Variants in PDE7B observed in about 807,000 individuals in gnomAD.
The protein encoded by PDE7B is phosphodiesterase 7B.
A neutral mutation model predicts 56.2 loss-of-function variants in PDE7B; 29 were observed. That is an observed-to-expected ratio of 0.52 (90% CI 0.38 to 0.70). The LOEUF (loss-of-function observed/expected upper bound fraction) is 0.70, where lower values mean the gene tolerates loss of function less well. Among genes scored for constraint, PDE7B ranks in the 30% least tolerant of loss-of-function variants. The pLI is 0.00. For missense variants in PDE7B, 490 were observed against 565.0 expected, an observed-to-expected ratio of 0.87 and a Z score of 1.35; for synonymous variants, 197 against 196.9, an observed-to-expected ratio of 1.00 and a Z score of 0.00.
chr6:136,130,744 G>A (rs976847361), intron 3 of PDE7B, among the ~76,000 whole-genome samples: 1 of 152,064 alleles, frequency 6.6e-6, no homozygotes. Context: ...CCGAGACTGG[G>A]TAATTTATAA....
At chr6:136,024,159 G>A (rs539325631) in intron 2 of PDE7B, among the ~76,000 whole-genome samples, 22 of 152,226 alleles carry the variant, frequency 1.4e-4, no homozygotes, top group Non-Finnish European at 2.8e-4. Context: ...ACTGTTGATG[G>A]CTATATATTT....
chr6:135,902,729 G>A (rs145029544), intron 1 of PDE7B, among the ~76,000 whole-genome samples: 63 of 152,306 alleles, frequency 4.1e-4, no homozygotes, highest in African/African-American at 1.5e-3. Flanking sequence ...GGACTTACCT[G>A]ACAAGCAGAT....
chr6:136,046,939 A>G (rs1281877830), intron 2 of PDE7B, among the ~76,000 whole-genome samples: 3 of 152,208 alleles, frequency 2.0e-5, no homozygotes, highest in African/African-American at 4.8e-5. Context: ...TCTTGCTATA[A>G]TATTCCAAAT....
intron 1 of PDE7B, among the ~76,000 whole-genome samples, chr6:135,869,731 A>G (rs150490273): frequency 1.3e-3 from 204 of 152,340 alleles, no homozygotes; most frequent in African/African-American, 1.6e-3. Context: ...AGAGAGCCCA[A>G]TGGAGTCTTT....
intron 8 of PDE7B, among the ~76,000 whole-genome samples, chr6:136,170,925 T>C (rs1453472423): frequency 1.3e-5 from 2 of 152,184 alleles, no homozygotes; most frequent in African/African-American, 4.8e-5. Context: ...TACTGTCACA[T>C]TGTGGATTAA....
intron 8 of PDE7B, among the ~76,000 whole-genome samples, chr6:136,167,626 G>T (rs868239907): frequency 6.6e-6 from 1 of 152,150 alleles, no homozygotes; most frequent in East Asian, 1.9e-4. Flanking sequence ...TTTATCAGTA[G>T]CATGAAAACG....
chr6:136,098,129 T>A, intron 2 of PDE7B: 1 of 74,718 alleles, frequency 1.3e-5, no homozygotes, highest in South Asian at 8.5e-4. Flanking sequence ...CTCTCTTTAG[T>A]TCCTGGGGGG....
intron 2 of PDE7B, among the ~76,000 whole-genome samples, chr6:136,012,050 T>C (rs1404029590): frequency 6.6e-6 from 1 of 152,114 alleles, no homozygotes; most frequent in East Asian, 1.9e-4. Flanking sequence ...ACAAAAAGGC[T>C]CCTGAACAAC....
intron 2 of PDE7B, among the ~76,000 whole-genome samples, chr6:136,051,461 C>T (rs114224649): frequency 0.011 from 1,748 of 152,282 alleles, 40 homozygotes; most frequent in African/African-American, 0.041. Context: ...TTAGCCCCTG[C>T]GAGGAGGCTC....
intron 8 of PDE7B, among the ~76,000 whole-genome samples, chr6:136,171,941 C>G (rs1218258001): frequency 1.3e-5 from 2 of 151,716 alleles, no homozygotes; most frequent in Admixed American, 1.3e-4. Flanking sequence ...TCCAATTTCA[C>G]CCATGTCCCT....
chr6:135,995,144 C>T lies in PDE7B; in HGVS notation c.82+47620C>T, dbSNP rs189017052. Among the ~76,000 whole-genome samples the T allele has an allele frequency of 5.9e-5, 9 of 152,290 alleles. 1 individual carries two copies. In the East Asian group the frequency reaches 1.7e-3, roughly 29 times the overall value. On this transcript the variant is annotated intron_variant, in intron 2 of 12. Coordinates refer to ENST00000308191, the MANE Select transcript of PDE7B (RefSeq NM_018945.4). ...CCTTTGGCCCGGGCCTTTGGTCACA[C>T]AAATCCTACAGGCCTCCAGGCCCTC...
rs111579625 is a variant in PDE7B, at chr6:136,030,622, T to C, written c.83-78109T>C. ...GAATCATCTGGTCACCATTCACTCATGCCTGGAATATCACAGTGGGAAAGA... is the reference window on the plus strand; with the variant it reads ...GAATCATCTGGTCACCATTCACTCACGCCTGGAATATCACAGTGGGAAAGA... On this transcript the variant is annotated intron_variant, in intron 2 of 12. Coordinates refer to ENST00000308191, the MANE Select transcript of PDE7B (RefSeq NM_018945.4). Among the ~76,000 whole-genome samples the C allele has an allele frequency of 1.0e-3, 153 of 152,356 alleles. 1 individual carries two copies. The highest frequency in any genetic ancestry group is 3.6e-3 in the African/African-American group (149 of 41,584).
At chr6:135,944,914 G>A (rs1241644022) in intron 1 of PDE7B, among the ~76,000 whole-genome samples, 2 of 152,112 alleles carry the variant, frequency 1.3e-5, no homozygotes, top group African/African-American at 2.4e-5. Flanking sequence ...TTTTTCCATA[G>A]CAAATGGCAG....
chr6:135,907,474 GTTT>G (rs1322715204), intron 1 of PDE7B, among the ~76,000 whole-genome samples: 1 of 151,872 alleles, frequency 6.6e-6, no homozygotes, highest in Admixed American at 6.6e-5. Context: ...TCAATTATTT[GTTT>G]ATATTTTGTC....
At chr6:136,173,104 A>G (rs1242090736) in intron 8 of PDE7B, among the ~76,000 whole-genome samples, 6 of 152,194 alleles carry the variant, frequency 3.9e-5, no homozygotes, top group African/African-American at 1.4e-4. Flanking sequence ...ATTCAATGCC[A>G]TCCCCATCAA....
intron 8 of PDE7B, among the ~76,000 whole-genome samples, chr6:136,167,603 T>C (rs1029331385): frequency 6.6e-6 from 1 of 152,146 alleles, no homozygotes; most frequent in Non-Finnish European, 1.5e-5. Context: ...AATTGCCCAG[T>C]CTTGGGTATG....
At chr6:136,185,504 C>T (rs1779129893) in intron 11 of PDE7B, among the ~76,000 whole-genome samples, 1 of 151,928 alleles carries the variant, frequency 6.6e-6, no homozygotes, top group Non-Finnish European at 1.5e-5. Context: ...CCTGTAATCC[C>T]AATGCTTTGG....
intron 2 of PDE7B, among the ~76,000 whole-genome samples, chr6:136,065,849 A>G (rs2128213229): frequency 6.6e-6 from 1 of 152,330 alleles, no homozygotes; most frequent in African/African-American, 2.4e-5. Context: ...AACAGTTAAT[A>G]TTTCAGATTT....
At chr6:136,172,417 T>C (rs933422381) in intron 8 of PDE7B, among the ~76,000 whole-genome samples, 3 of 152,242 alleles carry the variant, frequency 2.0e-5, no homozygotes, top group African/African-American at 7.2e-5. Context: ...CATGTGTTTT[T>C]TGGCTGCATA....
Sources: gnomAD v4.1 joint callset for allele counts (sites outside exome capture counted in the v4.1 genomes callset) on GRCh38, gnomAD v4.1.1 for gene constraint, MANE v1.5 for transcripts, NCBI Gene and HGNC (gene_info 2026-07-23, HGNC 2026-07-21) for gene names.